Variants in SEC24A observed in about 807,000 individuals in gnomAD.
The protein encoded by SEC24A is SEC24 homolog A, COPII component.
SEC24A carries 93 observed loss-of-function variants against 129.4 expected under a neutral mutation model. That is an observed-to-expected ratio of 0.72 (90% CI 0.61 to 0.85). The LOEUF (loss-of-function observed/expected upper bound fraction) is 0.85. Ranked by LOEUF, SEC24A falls within the 40% of genes least tolerant of loss-of-function variation. The pLI is 0.00. For synonymous variants in SEC24A, 460 were observed against 467.3 expected (o/e 0.98, Z 0.20); for missense variants, 1,264 against 1,307.4 (o/e 0.97, Z 0.51).
intron 17 of SEC24A, among the ~76,000 whole-genome samples, chr5:134,708,165 G>A (rs1222309082): frequency 6.6e-6 from 1 of 151,890 alleles, no homozygotes; most frequent in African/African-American, 2.4e-5. Flanking sequence ...AGCTCTTTCT[G>A]TAAATGTAAA....
intron 3 of SEC24A, among the ~76,000 whole-genome samples, chr5:134,670,565 A>T (rs1750820557): frequency 6.6e-6 from 1 of 152,212 alleles, no homozygotes; most frequent in Non-Finnish European, 1.5e-5. Flanking sequence ...TTAATCCTGT[A>T]TAATTTTGGG....
In SEC24A at chr5:134,676,258, G is replaced by C. The variant is rs1751058199; in HGVS notation, c.1254+133G>C. 6 of 576,598 alleles carry C rather than the reference G, an allele frequency of 1.0e-5. No individual in the cohort carries two copies. In the East Asian group the frequency reaches 2.0e-4, roughly 19 times the overall value. 35.7% of individuals were successfully genotyped at this position (576,598 alleles called of 1,614,324 possible). On this transcript the variant is annotated intron_variant, in intron 7 of 22. Transcript: ENST00000398844. ...ATGTTCAAGTGATTTTCCTGCCTCA[G>C]CCTCCCTAGTAGCTGGGATTACAGG... is the stretch of plus-strand genomic sequence containing the variant.
At chr5:134,688,545 T>C (rs1751526791) in intron 11 of SEC24A, among the ~76,000 whole-genome samples, 1 of 152,132 alleles carries the variant, frequency 6.6e-6, no homozygotes, top group Non-Finnish European at 1.5e-5. Flanking sequence ...TCAGATCAAA[T>C]TTAGGCTTTT....
At chr5:134,673,051 A>ATTTTT (rs375750332) in intron 4 of SEC24A, among the ~76,000 whole-genome samples, 1 of 113,672 alleles carries the variant, frequency 8.8e-6, no homozygotes. Flanking sequence ...CCCATTTAGG[A>ATTTTT]TTTTTTTTTT....
chr5:134,683,209 C>T (rs550222044), intron 9 of SEC24A, among the ~76,000 whole-genome samples: 3 of 151,892 alleles, frequency 2.0e-5, no homozygotes, highest in East Asian at 3.9e-4. Context: ...TTAATAGAGA[C>T]GGGGTTTCAC....
rs1172387836 is a variant in SEC24A at position 134,727,447 on chromosome 5, C to A, written c.*2353C>A. On this transcript the variant is annotated 3_prime_UTR_variant, in exon 23 of 23. Transcript: ENST00000398844. The stretch of plus-strand genomic sequence containing the variant: ...CATACTAATAGTCACTCAAGCAGTA[C>A]CATTTATTTTAGTTTGCATATATTT... 6.6e-6 allele frequency: 1 copy of A among 152,324 alleles called. No individual in the cohort carries two copies. The highest frequency in any genetic ancestry group is 1.5e-5 in the Non-Finnish European group (1 of 67,968). The allele number at this position is 152,324 out of a possible 1,614,324, so 9.4% of individuals were successfully genotyped here.
intron 17 of SEC24A, among the ~76,000 whole-genome samples, chr5:134,706,231 C>G (rs1441369910): frequency 6.6e-6 from 1 of 152,118 alleles, no homozygotes; most frequent in East Asian, 1.9e-4. Context: ...GTTTAATACT[C>G]TTTTTATGAG....
chr5:134,705,090 ATTTTT>A (rs58181904), intron 16 of SEC24A, among the ~76,000 whole-genome samples: 1 of 123,306 alleles, frequency 8.1e-6, no homozygotes, highest in East Asian at 2.3e-4. Flanking sequence ...ATATATATAT[ATTTTT>A]TTTTTTTTAA....
At chr5:134,705,094 T>A (rs147322040) in intron 16 of SEC24A, among the ~76,000 whole-genome samples, 8,753 of 136,714 alleles carry the variant, frequency 0.064, 314 homozygotes, top group East Asian at 0.12. Flanking sequence ...ATATATATTT[T>A]TTTTTTTTTA....
At chr5:134,659,167 GT>G (rs1437808643) in intron 1 of SEC24A, among the ~76,000 whole-genome samples, 1 of 151,558 alleles carries the variant, frequency 6.6e-6, no homozygotes, top group Non-Finnish European at 1.5e-5. Context: ...TGCCTCCTGG[GT>G]TCACGCCATT....
At chr5:134,665,144 G>A (rs1750613673) in intron 2 of SEC24A, among the ~76,000 whole-genome samples, 1 of 151,624 alleles carries the variant, frequency 6.6e-6, no homozygotes, top group African/African-American at 2.4e-5. Flanking sequence ...AACAGTATTG[G>A]TGAAACATTT....
At chr5:134,694,831 AAAAAG>A (rs1751769998) in intron 13 of SEC24A, among the ~76,000 whole-genome samples, 1 of 151,856 alleles carries the variant, frequency 6.6e-6, no homozygotes, top group South Asian at 2.1e-4. Flanking sequence ...AAAAAAAAAA[AAAAAG>A]AAAAGAAAAA....
chr5:134,675,015 GTTAC>G, intron 5 of SEC24A, 26 bp from the exon 6 acceptor site: 1 of 1,523,458 alleles, frequency 6.6e-7, no homozygotes. Context: ...CTTAATAAAA[GTTAC>G]TTACTTTAAA....
intron 5 of SEC24A, 99 bp from the exon 6 acceptor site, chr5:134,674,946 C>A (rs1751006293): frequency 8.5e-7 from 1 of 1,183,022 alleles, no homozygotes; most frequent in South Asian, 1.8e-5. Context: ...AAAAGATTGG[C>A]CAAGAGATCT....
chr5:134,668,865 C>T (rs1750757036), intron 3 of SEC24A, among the ~76,000 whole-genome samples: 1 of 151,372 alleles, frequency 6.6e-6, no homozygotes, highest in Non-Finnish European at 1.5e-5. Flanking sequence ...GCCTGGGCAA[C>T]AGAGCAAGAC....
chr5:134,669,239 T>A (rs1750770091), intron 3 of SEC24A, among the ~76,000 whole-genome samples: 1 of 151,010 alleles, frequency 6.6e-6, no homozygotes, highest in African/African-American at 2.4e-5. Context: ...CGATCTCGGC[T>A]CACCGCAACC....
intron 13 of SEC24A, among the ~76,000 whole-genome samples, chr5:134,694,400 T>A (rs1001836189): frequency 6.6e-6 from 1 of 151,926 alleles, no homozygotes; most frequent in African/African-American, 2.4e-5. Context: ...TGGCTCACGC[T>A]TGTAATCCCA....
At chr5:134,692,717 A>G in intron 12 of SEC24A, 60 bp downstream of exon 12, 1 of 1,024,950 alleles carries the variant, frequency 9.8e-7, no homozygotes, top group South Asian at 1.3e-5. Context: ...TATGTTTTTG[A>G]AATGAACTTT....
chr5:134,707,648 CT>C (rs1321030343), intron 17 of SEC24A, among the ~76,000 whole-genome samples: 4 of 151,758 alleles, frequency 2.6e-5, no homozygotes, highest in Non-Finnish European at 4.4e-5. Flanking sequence ...GTTTAAGTTA[CT>C]TTTTTTTGTA....
Sources: gnomAD v4.1 joint callset for allele counts (sites outside exome capture counted in the v4.1 genomes callset) on GRCh38, gnomAD v4.1.1 for gene constraint, MANE v1.5 for transcripts, NCBI Gene and HGNC (gene_info 2026-07-23, HGNC 2026-07-21) for gene names.